The following UVRAG variants were observed in gnomAD, a reference collection of about 807,000 sequenced individuals.
The protein encoded by UVRAG is UV radiation resistance associated.
In UVRAG, 19 loss-of-function variants were observed where a neutral mutation model predicts 78.0. That is an observed-to-expected ratio of 0.24 (90% CI 0.17 to 0.36). UVRAG has a LOEUF of 0.36. Among genes scored for constraint, UVRAG ranks in the 10% least tolerant of loss-of-function variants. The pLI is 1.00. For synonymous variants in UVRAG, 323 were observed against 324.6 expected, an observed-to-expected ratio of 1.00 and a Z score of 0.05; for missense variants, 740 against 853.8, an observed-to-expected ratio of 0.87 and a Z score of 1.66.
chr11:76,022,434 C>G (rs1029675124), intron 12 of UVRAG, among the ~76,000 whole-genome samples: 1 of 151,730 alleles, frequency 6.6e-6, no homozygotes, highest in Non-Finnish European at 1.5e-5. Flanking sequence ...CCTTTCAATT[C>G]TGTCAACATT....
chr11:75,844,022 G>A (rs2134708332), intron 1 of UVRAG, among the ~76,000 whole-genome samples: 1 of 151,558 alleles, frequency 6.6e-6, no homozygotes, highest in South Asian at 2.1e-4. Flanking sequence ...AGCCCTAATT[G>A]GATCATATGT....
Position 76,141,491 on chromosome 11 carries a change from T to A in UVRAG, c.*78T>A. 1 of 1,340,350 alleles carries A rather than the reference T, an allele frequency of 7.5e-7. No homozygotes were observed. The highest frequency in any genetic ancestry group is 1.5e-5 in the African/African-American group (1 of 68,854). 83.0% of individuals were successfully genotyped at this position (1,340,350 alleles called of 1,614,324 possible). ...GAAAGCTGCACTTAACCCTTTGTGA[T>A]AATGATGACACAAAATGAATATTAA... On this transcript the variant is annotated 3_prime_UTR_variant, in exon 15 of 15. Coordinates refer to ENST00000356136, the MANE Select transcript of UVRAG (RefSeq NM_003369.4).
intron 11 of UVRAG, among the ~76,000 whole-genome samples, chr11:76,011,252 G>T (rs1950044558): frequency 6.6e-6 from 1 of 152,172 alleles, no homozygotes; most frequent in Non-Finnish European, 1.5e-5. Context: ...TTACTCTAAG[G>T]TCATATTCAT....
Position 75,815,381 on chromosome 11 carries a change from CCGCCGCTTGGCG to C in UVRAG, c.-26_-15del. 8.4e-7 allele frequency: 1 copy of C among 1,190,196 alleles called. No individual in the cohort carries two copies. Among genetic ancestry groups the C allele is most frequent in the African/African-American group, 1.6e-5 (1 of 63,668 alleles). The allele number at this position is 1,190,196 out of a possible 1,614,324, so 73.7% of individuals were successfully genotyped here. ...GGCGGATGCCGGAAGAGTGCCCGCC[CCGCCGCTTGGCG>C]GCCCCTGGATCGAGATGAGCGCCTC... On this transcript the variant is annotated 5_prime_UTR_variant, in exon 1 of 15. Coordinates refer to ENST00000356136, the MANE Select transcript of UVRAG (RefSeq NM_003369.4).
intron 3 of UVRAG, among the ~76,000 whole-genome samples, chr11:75,874,679 A>T (rs1243623601): frequency 2.6e-5 from 4 of 152,260 alleles, no homozygotes; most frequent in African/African-American, 7.2e-5. Flanking sequence ...TTAATACTTT[A>T]TATAGTGACT....
intron 10 of UVRAG, among the ~76,000 whole-genome samples, chr11:76,008,178 C>G (rs767851865): frequency 2.6e-5 from 4 of 151,956 alleles, no homozygotes; most frequent in African/African-American, 9.7e-5. Flanking sequence ...CCAAAGTGCT[C>G]GCATATCAGG....
At chr11:75,990,104 GTTT>G (rs1949576789) in intron 8 of UVRAG, among the ~76,000 whole-genome samples, 1 of 152,116 alleles carries the variant, frequency 6.6e-6, no homozygotes, top group South Asian at 2.1e-4. Context: ...TTTTTAGCAG[GTTT>G]TAAAGTTTTG....
At chr11:75,914,795 C>A (rs916296955) in intron 6 of UVRAG, among the ~76,000 whole-genome samples, 1 of 151,888 alleles carries the variant, frequency 6.6e-6, no homozygotes, top group African/African-American at 2.4e-5. Flanking sequence ...TGCCTGGCCC[C>A]GATTCTGTTT....
chr11:75,975,867 C>T (rs1163809727), intron 7 of UVRAG, among the ~76,000 whole-genome samples: 4 of 152,170 alleles, frequency 2.6e-5, no homozygotes, highest in Non-Finnish European at 5.9e-5. Context: ...TTTCTTTCTC[C>T]TGCCTAATTG....
At chr11:75,851,383 C>T (rs752592666) in intron 1 of UVRAG, among the ~76,000 whole-genome samples, 3 of 152,138 alleles carry the variant, frequency 2.0e-5, no homozygotes, top group African/African-American at 2.4e-5. Flanking sequence ...GATGGAGTGA[C>T]CAGTGAGTCA....
At chr11:76,080,734 C>T (rs1951479493) in intron 13 of UVRAG, among the ~76,000 whole-genome samples, 1 of 152,198 alleles carries the variant, frequency 6.6e-6, no homozygotes, top group Non-Finnish European at 1.5e-5. Context: ...ACGTGTACTT[C>T]CTCTTTAAGA....
intron 3 of UVRAG, among the ~76,000 whole-genome samples, chr11:75,871,624 G>A (rs553162949): frequency 1.2e-4 from 19 of 152,210 alleles, no homozygotes; most frequent in African/African-American, 3.1e-4. Flanking sequence ...TGTGAGATTC[G>A]TTCATGTTGT....
intron 8 of UVRAG, among the ~76,000 whole-genome samples, chr11:75,997,372 A>G (rs1293575428): frequency 6.6e-6 from 1 of 152,232 alleles, no homozygotes; most frequent in South Asian, 2.1e-4. Flanking sequence ...GTCTTTAGCT[A>G]TTATATTTAT....
At chr11:75,824,877 G>A (rs1197945642) in intron 1 of UVRAG, among the ~76,000 whole-genome samples, 2 of 152,032 alleles carry the variant, frequency 1.3e-5, no homozygotes, top group East Asian at 3.9e-4. Context: ...GTTTCACCGT[G>A]TTAGCCAGGA....
At chr11:76,051,406 T>C (rs867141970) in intron 12 of UVRAG, among the ~76,000 whole-genome samples, 1 of 152,174 alleles carries the variant, frequency 6.6e-6, no homozygotes, top group African/African-American at 2.4e-5. Flanking sequence ...AAAAAAGACA[T>C]GGTTTCCATC....
At chr11:76,042,444 A>G (rs1253016169) in intron 12 of UVRAG, among the ~76,000 whole-genome samples, 2 of 152,238 alleles carry the variant, frequency 1.3e-5, no homozygotes, top group African/African-American at 2.4e-5. Context: ...TTACCTAACC[A>G]TGGTCATTCC....
intron 12 of UVRAG, among the ~76,000 whole-genome samples, chr11:76,033,319 C>T (rs774051517): frequency 7.9e-5 from 12 of 152,062 alleles, no homozygotes; most frequent in Non-Finnish European, 1.2e-4. Context: ...TATAAAATGA[C>T]CTTTGCATAT....
At chr11:75,903,790 A>G (rs898999243) in intron 5 of UVRAG, among the ~76,000 whole-genome samples, 12 of 152,272 alleles carry the variant, frequency 7.9e-5, no homozygotes, top group African/African-American at 2.6e-4. Context: ...AACACCATCT[A>G]TGTACTCGGT....
chr11:75,976,955 G>A (rs1012333919), intron 7 of UVRAG, among the ~76,000 whole-genome samples: 10 of 152,068 alleles, frequency 6.6e-5, no homozygotes, highest in African/African-American at 2.4e-4. Context: ...TTTTAATTGT[G>A]ATGTTAGGGT....
Sources: allele counts gnomAD v4.1 joint callset (sites outside exome capture counted in the v4.1 genomes callset), GRCh38; gene constraint gnomAD v4.1.1; transcripts MANE v1.5; gene names NCBI Gene and HGNC (gene_info 2026-07-23, HGNC 2026-07-21).